The following RETREG1 variants were observed in gnomAD, a reference collection of about 807,000 sequenced individuals.
RETREG1 encodes family with sequence similarity 134 member B.
A neutral mutation model predicts 54.8 loss-of-function variants in RETREG1; 44 were observed. The observed-to-expected ratio is 0.80, with a 90% CI of 0.63 to 1.03. The LOEUF (loss-of-function observed/expected upper bound fraction) is 1.03, where lower values mean the gene tolerates loss of function less well. Ranked by LOEUF, RETREG1 falls within the 50% of genes least tolerant of loss-of-function variation. The pLI, the probability that RETREG1 is intolerant of heterozygous loss-of-function variation, is 0.00. For synonymous variants in RETREG1, 217 were observed against 238.5 expected (o/e 0.91, Z 0.83); for missense variants, 554 against 605.1 (o/e 0.92, Z 0.89).
At chr5:16,504,185 G>A (rs151149579) in intron 3 of RETREG1, among the ~76,000 whole-genome samples, 64 of 152,280 alleles carry the variant, frequency 4.2e-4, no homozygotes, top group African/African-American at 1.1e-3. Flanking sequence ...TTAGTTCGCC[G>A]AGGATAACGG....
Position 16,474,832 on chromosome 5 carries a change from C to T in RETREG1, c.1403G>A (p.Ser468Asn), listed in dbSNP as rs753259026. Reference sequence around the variant, plus strand: ...CTGGTCTTGTGTAAGTCCCAATTCACTCTCAATTTGATCCAGCTCTGACTG... The same window carrying T: ...CTGGTCTTGTGTAAGTCCCAATTCATTCTCAATTTGATCCAGCTCTGACTG... ...LDQSELDQIE[S>N]ELGLTQDQEA... Residue 468 changes from serine (S) to asparagine (N), a missense_variant, in exon 9 of 9, where the codon AGT becomes AAT. By Grantham distance (46) the Ser-to-Asn change is conservative. Around this residue, in one of 4 missense-constraint regions of RETREG1, gnomAD observed 30 missense variants for 32.4 expected, o/e 0.93. Transcript: ENST00000306320. 6.8e-6 allele frequency: 11 copies of T among 1,613,844 alleles called. No individual in the cohort carries two copies. The highest frequency in any genetic ancestry group is 9.3e-6 in the Non-Finnish European group (11 of 1,179,964).
intron 3 of RETREG1, among the ~76,000 whole-genome samples, chr5:16,546,259 C>A (rs11744574): frequency 6.6e-6 from 1 of 152,100 alleles, no homozygotes; most frequent in Non-Finnish European, 1.5e-5. Context: ...CCTCAAATTC[C>A]TGGGCTTGAG....
intron 3 of RETREG1, among the ~76,000 whole-genome samples, chr5:16,534,893 G>A (rs778879131): frequency 5.9e-5 from 9 of 152,002 alleles, no homozygotes; most frequent in South Asian, 2.1e-4. Flanking sequence ...TTCATTCATC[G>A]GGCATTTTTA....
At chr5:16,506,909 A>G (rs1387016826) in intron 3 of RETREG1, among the ~76,000 whole-genome samples, 1 of 152,128 alleles carries the variant, frequency 6.6e-6, no homozygotes, top group Non-Finnish European at 1.5e-5. Flanking sequence ...GGAGTCTCTC[A>G]TTTTCAATCC....
At chr5:16,576,827 G>A (rs963780596) in intron 1 of RETREG1, among the ~76,000 whole-genome samples, 6 of 151,372 alleles carry the variant, frequency 4.0e-5, no homozygotes, top group African/African-American at 1.5e-4. Flanking sequence ...ATGTTGGCCA[G>A]GATGGTCTCG....
chr5:16,517,234 C>T (rs1179191303), intron 3 of RETREG1, among the ~76,000 whole-genome samples: 2 of 151,930 alleles, frequency 1.3e-5, no homozygotes, highest in Non-Finnish European at 2.9e-5. Flanking sequence ...ATCCAGAAAA[C>T]AAAAATGCAA....
intron 3 of RETREG1, among the ~76,000 whole-genome samples, chr5:16,540,092 G>A (rs981168083): frequency 1.1e-4 from 17 of 152,300 alleles, no homozygotes; most frequent in African/African-American, 4.1e-4. Flanking sequence ...CACTCAGTGA[G>A]TAGATTTATC....
At chr5:16,570,504 C>T (rs2126632365) in intron 2 of RETREG1, among the ~76,000 whole-genome samples, 1 of 152,266 alleles carries the variant, frequency 6.6e-6, no homozygotes. Flanking sequence ...AGCTTGCTTC[C>T]TGGGTCCATG....
At chr5:16,532,236 GT>G (rs1309622121) in intron 3 of RETREG1, among the ~76,000 whole-genome samples, 1 of 152,130 alleles carries the variant, frequency 6.6e-6, no homozygotes, top group African/African-American at 2.4e-5. Flanking sequence ...CGTTCAAAAA[GT>G]TTTCCTGGGC....
intron 3 of RETREG1, among the ~76,000 whole-genome samples, chr5:16,516,673 A>G (rs1329668286): frequency 1.3e-5 from 2 of 152,192 alleles, no homozygotes; most frequent in African/African-American, 2.4e-5. Context: ...AGTGTGCCCA[A>G]TCAGGCTGTA....
chr5:16,615,789 C>G (rs1743488418), intron 1 of RETREG1: 1 of 152,184 alleles, frequency 6.6e-6, no homozygotes, highest in Non-Finnish European at 1.5e-5. Flanking sequence ...TCAGAAATCT[C>G]TGTCCTGTAA....
At chr5:16,522,736 G>A (rs1177429108) in intron 3 of RETREG1, among the ~76,000 whole-genome samples, 38 of 152,158 alleles carry the variant, frequency 2.5e-4, no homozygotes, top group Admixed American at 2.5e-3. Flanking sequence ...CGGGTGCAGT[G>A]GCTCATGTCT....
intron 3 of RETREG1, among the ~76,000 whole-genome samples, chr5:16,524,579 C>T (rs1483437716): frequency 1.3e-5 from 2 of 152,186 alleles, no homozygotes; most frequent in Admixed American, 6.5e-5. Flanking sequence ...ACGCTGCTTT[C>T]GGCCTGCTTA....
intron 3 of RETREG1, among the ~76,000 whole-genome samples, chr5:16,492,992 G>C (rs1739309766): frequency 6.6e-6 from 1 of 152,210 alleles, no homozygotes; most frequent in South Asian, 2.1e-4. Context: ...GGGACCAGAA[G>C]GCGCCAGTGA....
intron 2 of RETREG1, among the ~76,000 whole-genome samples, chr5:16,568,383 TGC>T: frequency 6.6e-6 from 1 of 152,042 alleles, no homozygotes; most frequent in African/African-American, 2.4e-5. Flanking sequence ...GTGATTCTCC[TGC>T]CTCAGCCTCT....
In RETREG1 at chr5:16,579,068, C is replaced by T. The variant is rs1424735851; in HGVS notation, c.321-6966G>A. ...CCCAAAGGGAACCGCAAGAGAGCCA[C>T]AAGACTAGAGCCTGAATTAGAGAGG... is the stretch of plus-strand genomic sequence containing the variant. On this transcript the variant is annotated intron_variant, in intron 1 of 8. Coordinates refer to ENST00000306320, the MANE Select transcript of RETREG1 (RefSeq NM_001034850.3). 5.3e-5 allele frequency among the ~76,000 whole-genome samples: 8 copies of T among 152,146 alleles called. No homozygotes were observed. In the East Asian group the frequency reaches 1.5e-3, roughly 29 times the overall value.
chr5:16,603,091 G>T (rs575863354), intron 1 of RETREG1, among the ~76,000 whole-genome samples: 1 of 152,204 alleles, frequency 6.6e-6, no homozygotes, highest in East Asian at 1.9e-4. Context: ...AACAACAGTC[G>T]CTCCTAGAAA....
At position 16,483,397 on chromosome 5, in the gene RETREG1, G is replaced by C. The variant is rs754094602; in HGVS notation, c.534C>G (p.Phe178Leu). ...GAGACATTTCTTGAAGAAATATGCTGAAATTCATCCATGATTCTGCAATAC... is the reference window on the plus strand; with the variant it reads ...GAGACATTTCTTGAAGAAATATGCTCAAATTCATCCATGATTCTGCAATAC... ...SHCIAESWMN[F>L]SIFLQEMSLF... The change falls in exon 4 of 9, where the codon TTC becomes TTG. Residue 178 changes from phenylalanine to leucine, a missense_variant. Coordinates refer to ENST00000306320, the MANE Select transcript of RETREG1 (RefSeq NM_001034850.3). 2 of 1,613,384 alleles carry C rather than the reference G, an allele frequency of 1.2e-6. No individual in the cohort carries two copies. Among genetic ancestry groups the C allele is most frequent in the South Asian group, 2.2e-5 (2 of 91,064 alleles).
intron 3 of RETREG1, among the ~76,000 whole-genome samples, chr5:16,563,044 A>C (rs908911523): frequency 6.6e-6 from 1 of 152,170 alleles, no homozygotes; most frequent in African/African-American, 2.4e-5. Flanking sequence ...CTGTCTTCTC[A>C]ATTTTCTGTA....
Sources: allele counts gnomAD v4.1 joint callset (sites outside exome capture counted in the v4.1 genomes callset), GRCh38; gene constraint gnomAD v4.1.1; regional missense constraint gnomAD v4.1.1; transcripts MANE v1.5; gene names NCBI Gene and HGNC (gene_info 2026-07-23, HGNC 2026-07-21).